SAMMSON: variants seen among roughly 807,000 people sequenced by gnomAD.
The protein encoded by SAMMSON is long intergenic non-protein coding RNA 1212.
intron 3 of SAMMSON, among the ~76,000 whole-genome samples, chr3:70,050,135 GAGA>G (rs1213763081): frequency 1.4e-4 from 21 of 152,216 alleles, no homozygotes; most frequent in Admixed American, 9.8e-4. Flanking sequence ...AGTGGCCAGA[GAGA>G]AGAACTGCCC....
At chr3:70,084,836 G>A (rs1244515810) in intron 4 of SAMMSON, 1 of 152,188 alleles carries the variant, frequency 6.6e-6, no homozygotes, top group African/African-American at 2.4e-5. Context: ...TGAGGTAAGT[G>A]CCACTAGTAT....
intron 4 of SAMMSON, among the ~76,000 whole-genome samples, chr3:70,180,878 G>A (rs549122825): frequency 6.6e-6 from 1 of 152,270 alleles, no homozygotes; most frequent in Admixed American, 6.5e-5. Context: ...TTAAATTGAG[G>A]TTTCGGTGGG....
At chr3:70,180,837 A>G (rs979761244) in intron 4 of SAMMSON, among the ~76,000 whole-genome samples, 15 of 152,328 alleles carry the variant, frequency 9.8e-5, no homozygotes, top group African/African-American at 3.4e-4. Context: ...GAAAAGTTCT[A>G]TGAGTCAGAG....
At chr3:70,401,863 T>C (rs2106763322) in intron 2 of SAMMSON, among the ~76,000 whole-genome samples, 1 of 152,334 alleles carries the variant, frequency 6.6e-6, no homozygotes, top group South Asian at 2.1e-4. Context: ...GAAAAAGTCA[T>C]GAGCAAACAT....
At chr3:70,396,469 T>C (rs937560048) in intron 2 of SAMMSON, among the ~76,000 whole-genome samples, 7 of 152,332 alleles carry the variant, frequency 4.6e-5, no homozygotes, top group African/African-American at 1.4e-4. Flanking sequence ...TGTTTACCCA[T>C]TCAGCAAATA....
At chr3:70,143,844 T>G (rs918688630) in intron 4 of SAMMSON, among the ~76,000 whole-genome samples, 1 of 152,162 alleles carries the variant, frequency 6.6e-6, no homozygotes, top group African/African-American at 2.4e-5. Flanking sequence ...ATTCCTTTGA[T>G]GTAGCAACTG....
intron 7 of SAMMSON, among the ~76,000 whole-genome samples, chr3:70,311,144 T>G (rs1434868144): frequency 6.6e-6 from 1 of 152,200 alleles, no homozygotes; most frequent in African/African-American, 2.4e-5. Flanking sequence ...TTTAAGAATG[T>G]CAACTACTTA....
chr3:70,399,506 G>T (rs1049953506), intron 2 of SAMMSON, among the ~76,000 whole-genome samples: 2 of 152,096 alleles, frequency 1.3e-5, no homozygotes, highest in African/African-American at 2.4e-5. Flanking sequence ...TAGAGGTTTT[G>T]AAATTAAATG....
intron 9 of SAMMSON, among the ~76,000 whole-genome samples, chr3:70,371,131 T>A (rs1702964498): frequency 6.6e-6 from 1 of 152,124 alleles, no homozygotes; most frequent in Non-Finnish European, 1.5e-5. Context: ...TGTAAATATA[T>A]GGGTTTATTT....
intron 6 of SAMMSON, among the ~76,000 whole-genome samples, chr3:70,284,697 A>G (rs560707223): frequency 6.6e-6 from 1 of 152,330 alleles, no homozygotes; most frequent in East Asian, 1.9e-4. Context: ...CTAAACAATG[A>G]GAACACATGG....
chr3:70,319,031 C>G (rs764312061), intron 7 of SAMMSON, among the ~76,000 whole-genome samples: 2 of 152,028 alleles, frequency 1.3e-5, no homozygotes, highest in Non-Finnish European at 2.9e-5. Flanking sequence ...ATGTTCAGTG[C>G]TCAGTCTCAC....
intron 3 of SAMMSON, among the ~76,000 whole-genome samples, chr3:70,034,713 G>A (rs993612429): frequency 3.3e-5 from 5 of 152,050 alleles, no homozygotes; most frequent in African/African-American, 9.7e-5. Context: ...GCATGGTAGC[G>A]GGCACCTGTA....
At chr3:70,390,990 T>C (rs887670369), downstream of SAMMSON, among the ~76,000 whole-genome samples, 1 of 152,126 alleles carries the variant, frequency 6.6e-6, no homozygotes, top group African/African-American at 2.4e-5. Context: ...GTTGACCCTA[T>C]TGTGTCATTA....
chr3:70,257,181 T>C (rs1449028318), intron 6 of SAMMSON, among the ~76,000 whole-genome samples: 2 of 152,222 alleles, frequency 1.3e-5, no homozygotes, highest in Non-Finnish European at 1.5e-5. Flanking sequence ...TTGTGAACTA[T>C]ACATTTGGTC....
In SAMMSON at chr3:70,232,589, G is replaced by A. The variant is rs149890820; in HGVS notation, n.508-16518G>A. Among the ~76,000 whole-genome samples, 249 of 151,900 alleles carry A rather than the reference G, an allele frequency of 1.6e-3. 1 individual carries two copies. Among genetic ancestry groups the A allele is most frequent in the African/African-American group, 5.6e-3 (234 of 41,448 alleles). ...TATTTTTTGTATTTTTGATAGAGAC[G>A]GGGTTTCACTGTGTGGGCCAGGATG... On this transcript the variant is annotated intron_variant and non_coding_transcript_variant, in intron 4 of 9. Transcript: ENST00000642114.
At chr3:70,188,760 A>G (rs992557683) in intron 4 of SAMMSON, among the ~76,000 whole-genome samples, 1 of 152,230 alleles carries the variant, frequency 6.6e-6, no homozygotes, top group Non-Finnish European at 1.5e-5. Flanking sequence ...TAGGGTAGGT[A>G]TTATTAACAA....
intron 4 of SAMMSON, among the ~76,000 whole-genome samples, chr3:70,107,414 T>G (rs984131945): frequency 6.6e-6 from 1 of 152,122 alleles, no homozygotes; most frequent in African/African-American, 2.4e-5. Context: ...TGGTCTCGGT[T>G]TGGCTGAAAT....
At chr3:70,021,516 T>C (rs757635973) in intron 3 of SAMMSON, among the ~76,000 whole-genome samples, 9 of 152,194 alleles carry the variant, frequency 5.9e-5, no homozygotes, top group Non-Finnish European at 5.9e-5. Context: ...ACATAGCTTG[T>C]TTAAATAATG....
At chr3:70,312,263 G>T (rs1319332789) in intron 7 of SAMMSON, among the ~76,000 whole-genome samples, 1 of 152,128 alleles carries the variant, frequency 6.6e-6, no homozygotes, top group African/African-American at 2.4e-5. Flanking sequence ...ACTAGCCATG[G>T]ATTTGTAAGA....
Sources: allele counts gnomAD v4.1 joint callset (sites outside exome capture counted in the v4.1 genomes callset), GRCh38; gene constraint gnomAD v4.1.1; transcripts MANE v1.5; gene names NCBI Gene and HGNC (gene_info 2026-07-23, HGNC 2026-07-21).